Variants in LRP5 observed in about 807,000 individuals in gnomAD.
LRP5 encodes low-density lipoprotein receptor-related protein 5.
In LRP5, 62 loss-of-function variants were observed where a neutral mutation model predicts 154.1. That is an observed-to-expected ratio of 0.40 (90% CI 0.33 to 0.50). LRP5 has a LOEUF of 0.50. LRP5 is among the 20% of genes least tolerant of loss of function. The pLI, the probability that LRP5 is intolerant of heterozygous loss-of-function variation, is 0.55. For missense variants in LRP5, 1,915 were observed against 2,336.7 expected, an observed-to-expected ratio of 0.82 and a Z score of 3.72; for synonymous variants, 966 against 1,011.5, an observed-to-expected ratio of 0.96 and a Z score of 0.85.
intron 12 of LRP5, among the ~76,000 whole-genome samples, chr11:68,415,157 G>A (rs373860416): frequency 4.6e-5 from 7 of 152,306 alleles, no homozygotes; most frequent in South Asian, 4.1e-4. Context: ...AGAGGCCAAC[G>A]GATGTTCTGG....
rs75116573 is a variant in LRP5, at chr11:68,421,520, G to A, written c.3028-1969G>A. 2.3e-3 allele frequency among the ~76,000 whole-genome samples: 345 copies of A among 152,284 alleles called. 2 individuals carry two copies. The highest frequency in any genetic ancestry group is 7.9e-3 in the African/African-American group (330 of 41,570). ...CAGCCCGGCAGCTGTACCAGTCCAGGGTCCACAGCTAGTGGCTTTTAGGAA... is the reference window on the plus strand; with the variant it reads ...CAGCCCGGCAGCTGTACCAGTCCAGAGTCCACAGCTAGTGGCTTTTAGGAA... On this transcript the variant is annotated intron_variant, in intron 13 of 22. Transcript: ENST00000294304.
chr11:68,365,680 C>T lies in LRP5; in HGVS notation c.993C>T (p.Asp331=). Reference sequence around the variant, plus strand: ...GCCCCACGGGTGTGCAGCTGCAGGACAACGGCAGGACGTGTAAGGCAGGTG... The same window carrying T: ...GCCCCACGGGTGTGCAGCTGCAGGATAACGGCAGGACGTGTAAGGCAGGTG... ...CACPTGVQLQ[D]NGRTCKAGAE... is the part of the protein sequence containing the mutation. Residue 331 remains aspartate, a synonymous_variant, in exon 5 of 23, where the codon GAC becomes GAT. Coordinates refer to ENST00000294304, the MANE Select transcript of LRP5 (RefSeq NM_002335.4). 11 of 1,441,814 alleles carry T rather than the reference C, an allele frequency of 7.6e-6. No individual in the cohort carries two copies. The highest frequency in any genetic ancestry group is 1.0e-5 in the Non-Finnish European group (11 of 1,075,788). The allele number at this position is 1,441,814 out of a possible 1,614,324, so 89.3% of individuals were successfully genotyped here.
At position 68,341,218 on chromosome 11, in the gene LRP5, A is replaced by C. The variant is rs372682286; in HGVS notation, c.92-6629A>C. On this transcript the variant is annotated intron_variant, in intron 1 of 22. Coordinates refer to ENST00000294304, the MANE Select transcript of LRP5 (RefSeq NM_002335.4). ...TTATGTTCATGATGCGGCAGTCACCACCGTGTTTCTGAAAGGTTTGTTCTG... is the reference window on the plus strand; with the variant it reads ...TTATGTTCATGATGCGGCAGTCACCCCCGTGTTTCTGAAAGGTTTGTTCTG... Among the ~76,000 whole-genome samples the C allele has an allele frequency of 7.7e-4, 117 of 151,856 alleles. 4 individuals carry two copies. In the East Asian group the frequency reaches 0.02, roughly 26 times the overall value.
In LRP5 at chr11:68,423,537, C is replaced by T. The variant is rs753554800; in HGVS notation, c.3076C>T (p.Pro1026Ser). Reference sequence around the variant, plus strand: ...CCAAGGCCAAAACCCAGACAGGCAGCCCCACGACCTCAGCATCGACATCTA... The same window carrying T: ...CCAAGGCCAAAACCCAGACAGGCAGTCCCACGACCTCAGCATCGACATCTA... Reference protein sequence around the residue: ...LSQGQNPDRQPHDLSIDIYSR... With the variant: ...LSQGQNPDRQSHDLSIDIYSR... The change falls in exon 14 of 23, where the codon CCC becomes TCC. Residue 1026 changes from proline to serine, a missense_variant. Transcript: ENST00000294304. The surrounding 1 kb of genome is among the most constrained non-coding windows in gnomAD (Gnocchi z 4.7). 4 of 1,614,118 alleles carry T rather than the reference C, an allele frequency of 2.5e-6. No individual in the cohort carries two copies. In the South Asian group the frequency reaches 3.3e-5, roughly 13 times the overall value.
rs1370696786 is a variant in LRP5, at chr11:68,353,711, C to G, written c.489-3939C>G. ...TGTGCCCTCCTGCAGTGCTGTCCCC[C>G]ACCAGGGTCCTTCCTCAGAGGAGGG... On this transcript the variant is annotated intron_variant, in intron 2 of 22. Coordinates refer to ENST00000294304, the MANE Select transcript of LRP5 (RefSeq NM_002335.4). The surrounding 1 kb of genome is among the most constrained non-coding windows in gnomAD (Gnocchi z 4.5). Among the ~76,000 whole-genome samples, 1 of 152,176 alleles carries G rather than the reference C, an allele frequency of 6.6e-6. No individual in the cohort carries two copies. Among genetic ancestry groups the G allele is most frequent in the Admixed American group, 6.5e-5 (1 of 15,280 alleles).
intron 4 of LRP5, among the ~76,000 whole-genome samples, chr11:68,365,348 T>C (rs575779076): frequency 1.1e-4 from 17 of 149,130 alleles, no homozygotes; most frequent in African/African-American, 3.5e-4. Flanking sequence ...TTTGGGGAAA[T>C]TGCAGGCCGT....
chr11:68,341,872 G>A (rs2098609346), intron 1 of LRP5, among the ~76,000 whole-genome samples: 1 of 152,106 alleles, frequency 6.6e-6, no homozygotes, highest in African/African-American at 2.4e-5. Context: ...TTGGCTATGT[G>A]TATTGCTTGT....
At chr11:68,393,521 C>G (rs917859286) in intron 7 of LRP5, among the ~76,000 whole-genome samples, 3 of 152,252 alleles carry the variant, frequency 2.0e-5, no homozygotes. Flanking sequence ...TGGCTCACGC[C>G]TGTAATCCCA....
rs750573655 is a variant in LRP5, at chr11:68,438,570, C to T, written c.4236C>T (p.Cys1412=). The T allele has an allele frequency of 1.3e-5, 21 of 1,614,120 alleles. No individual in the cohort carries two copies. The highest frequency in any genetic ancestry group is 1.8e-5 in the Non-Finnish European group (21 of 1,180,014). The part of the protein sequence containing the change: ...GVYFVCQRVV[C]QRYAGANGPF... Reference sequence around the variant, plus strand: ...ATTTTGTGTGCCAGCGCGTGGTGTGCCAGCGCTATGCGGGGGCCAACGGGC... The same window carrying T: ...ATTTTGTGTGCCAGCGCGTGGTGTGTCAGCGCTATGCGGGGGCCAACGGGC... The change falls in exon 20 of 23, where the codon TGC becomes TGT. Residue 1412 remains cysteine, a synonymous_variant. Coordinates refer to ENST00000294304, the MANE Select transcript of LRP5 (RefSeq NM_002335.4).
At chr11:68,330,436 GGC>G (rs1269945172) in intron 1 of LRP5, among the ~76,000 whole-genome samples, 1 of 152,238 alleles carries the variant, frequency 6.6e-6, no homozygotes, top group African/African-American at 2.4e-5. Context: ...TTTTGGAAGA[GGC>G]GATTTGCTTC....
At chr11:68,380,963 A>C (rs1243700632) in intron 5 of LRP5, among the ~76,000 whole-genome samples, 1 of 152,208 alleles carries the variant, frequency 6.6e-6, no homozygotes, top group Non-Finnish European at 1.5e-5. Context: ...TATGTGATCT[A>C]ATTTGGAAAC....
chr11:68,377,169 A>AGGAGG (rs1411858628), intron 5 of LRP5, among the ~76,000 whole-genome samples: 1 of 152,002 alleles, frequency 6.6e-6, no homozygotes, highest in African/African-American at 2.4e-5. Context: ...ATGGGGGCAG[A>AGGAGG]GGCAGGCAGT....
At chr11:68,313,836 G>A (rs1427484357) in intron 1 of LRP5, among the ~76,000 whole-genome samples, 3 of 152,252 alleles carry the variant, frequency 2.0e-5, no homozygotes, top group African/African-American at 7.2e-5. Flanking sequence ...AAGGCAAACA[G>A]CTGTCTCCCT....
At chr11:68,390,093 C>G (rs564363403) in intron 7 of LRP5, 41 bp downstream of exon 7, 24 of 1,607,306 alleles carry the variant, frequency 1.5e-5, no homozygotes, top group African/African-American at 4.0e-5. Context: ...GAGGCCAGGC[C>G]CAGCCACCCC....
intron 6 of LRP5, among the ~76,000 whole-genome samples, chr11:68,388,287 C>T (rs1170516676): frequency 6.6e-6 from 1 of 152,012 alleles, no homozygotes; most frequent in Non-Finnish European, 1.5e-5. Context: ...AGGTCAGGAG[C>T]TTGGTCAAGT....
intron 5 of LRP5, among the ~76,000 whole-genome samples, chr11:68,367,442 T>A (rs1203411178): frequency 6.6e-6 from 1 of 152,210 alleles, no homozygotes; most frequent in Non-Finnish European, 1.5e-5. Context: ...CTGGTCTCCC[T>A]CGCAGACTGC....
intron 21 of LRP5, among the ~76,000 whole-genome samples, chr11:68,440,680 C>T (rs536004621): frequency 2.0e-5 from 3 of 152,318 alleles, no homozygotes; most frequent in Admixed American, 6.5e-5. Flanking sequence ...TCCTCTGGGG[C>T]CTCGCCAGTG....
At chr11:68,343,611 G>A (rs1233719119) in intron 1 of LRP5, among the ~76,000 whole-genome samples, 2 of 152,202 alleles carry the variant, frequency 1.3e-5, no homozygotes, top group Non-Finnish European at 2.9e-5. Flanking sequence ...GGAACACACC[G>A]TGTGGGGGCT....
intron 5 of LRP5, among the ~76,000 whole-genome samples, chr11:68,371,282 A>G (rs1415235639): frequency 6.6e-6 from 1 of 152,176 alleles, no homozygotes; most frequent in Non-Finnish European, 1.5e-5. Flanking sequence ...CTTAATCCAG[A>G]GGGAGATGGG....
Sources: allele counts gnomAD v4.1 joint callset (sites outside exome capture counted in the v4.1 genomes callset), GRCh38; gene constraint gnomAD v4.1.1; non-coding constraint Gnocchi (gnomAD v3.1); transcripts MANE v1.5; gene names NCBI Gene and HGNC (gene_info 2026-07-23, HGNC 2026-07-21).